Variants in GDF5 observed in about 807,000 individuals in gnomAD.
GDF5 encodes the protein growth differentiation factor 5, also known as growth/differentiation factor 5.
In GDF5, 17 loss-of-function variants were observed where a neutral mutation model predicts 34.6. The observed-to-expected ratio is 0.49, with a 90% confidence interval of 0.34 to 0.74. The LOEUF is 0.74. Among genes scored for constraint, GDF5 ranks in the 30% least tolerant of loss-of-function variants. GDF5 has a pLI of 0.01. For missense variants in GDF5, 616 were observed against 661.2 expected (o/e 0.93, Z 0.75); for synonymous variants, 332 against 290.7 (o/e 1.14, Z -1.44).
chr20:35,433,873 G>A lies in GDF5; in HGVS notation c.*36C>T, dbSNP rs768536902. The A allele has an allele frequency of 3.8e-6, 6 of 1,589,108 alleles. No homozygotes were observed. In the African/African-American group the frequency reaches 8.1e-5, roughly 21 times the overall value. On this transcript the variant is annotated 3_prime_UTR_variant, in exon 2 of 2. Transcript: ENST00000374369. ...CCAGGAGTGCAGGAAGGGGCTCTTGGGATGTGCCACCCAGGAAGACAGAGG... is the reference window on the plus strand; with the variant it reads ...CCAGGAGTGCAGGAAGGGGCTCTTGAGATGTGCCACCCAGGAAGACAGAGG...
At chr20:35,439,149 CCT>C (rs1351835712), upstream of GDF5, among the ~76,000 whole-genome samples, 1 of 151,874 alleles carries the variant, frequency 6.6e-6, no homozygotes, top group Non-Finnish European at 1.5e-5. Flanking sequence ...GCAGAGACGT[CCT>C]CTGAGTTTTC....
Position 35,435,138 on chromosome 20 carries a change from A to G in GDF5, c.632-355T>C, listed in dbSNP as rs377512004. On this transcript the variant is annotated intron_variant, in intron 1 of 1. Transcript: ENST00000374369. ...TAACGTGATGTCTCATTTGTGAGAT[A>G]GGTGGAGTGAGCATTAAAATTACTC... The G allele has an allele frequency of 1.2e-5, 7 of 573,188 alleles. No individual in the cohort carries two copies. The East Asian group carries it at 1.5e-4, about 12-fold the overall frequency. 35.5% of individuals were successfully genotyped at this position (573,188 alleles called of 1,614,324 possible).
chr20:35,439,876 G>A (rs369002086), upstream of GDF5, among the ~76,000 whole-genome samples: 7 of 151,556 alleles, frequency 4.6e-5, no homozygotes, highest in Middle Eastern at 3.5e-3. Flanking sequence ...GAAGGATGGC[G>A]GGGGAGAAGC....
upstream of GDF5, among the ~76,000 whole-genome samples, chr20:35,438,821 A>ATGAGTGTGTGTGTG (rs1177580555): frequency 2.2e-5 from 1 of 44,930 alleles, no homozygotes; most frequent in Non-Finnish European, 6.1e-5. Flanking sequence ...CTGATTTGTT[A>ATGAGTGTGTGTGTG]TGCGTGTGTG....
upstream of GDF5, among the ~76,000 whole-genome samples, chr20:35,442,149 C>A (rs867227753): frequency 4.0e-5 from 6 of 151,868 alleles, no homozygotes; most frequent in Non-Finnish European, 8.8e-5. Context: ...CCGAAAGTAA[C>A]TTTTTTTATT....
chr20:35,440,164 A>C (rs1046605432), upstream of GDF5, among the ~76,000 whole-genome samples: 11 of 150,658 alleles, frequency 7.3e-5, no homozygotes, highest in Admixed American at 4.0e-4. Flanking sequence ...TGATCCACCC[A>C]CCTTGGCCTC....
chr20:35,437,730 C>A lies in GDF5; in HGVS notation c.199G>T (p.Gly67Trp), dbSNP rs753597147. ...VFRPGGHSYG[G>W]GATNANARAK... Reference sequence around the variant, plus strand: ...CTGGCATTGGCATTGGTGGCCCCCCCACCATAGCTGTGACCCCCTGGCCTG... The same window carrying A: ...CTGGCATTGGCATTGGTGGCCCCCCAACCATAGCTGTGACCCCCTGGCCTG... Residue 67 changes from glycine (G) to tryptophan (W), a missense_variant, in exon 1 of 2, where the codon GGG (glycine) becomes TGG (tryptophan). Gly to Trp is a radical substitution (Grantham distance 184). Coordinates refer to ENST00000374369, the MANE Select transcript of GDF5 (RefSeq NM_000557.5). 1.2e-6 allele frequency: 2 copies of A among 1,613,508 alleles called. No homozygotes were observed. The highest frequency in any genetic ancestry group is 1.7e-6 in the Non-Finnish European group (2 of 1,179,790).
In GDF5 at chr20:35,438,203, G is replaced by A. The variant is rs143383; in HGVS notation, c.-275C>T. 0.56 allele frequency: 287,257 copies of A among 515,694 alleles called. 87,096 individuals are homozygous for A. The highest frequency in any genetic ancestry group is 0.74 in the East Asian group (21,558 of 29,032). 31.9% of individuals were successfully genotyped at this position (515,694 alleles called of 1,614,324 possible). A position where few individuals can be genotyped will look rare whatever the true frequency, so the allele number is the denominator to read the frequency against. On this transcript the variant is annotated 5_prime_UTR_variant, in exon 1 of 2. Transcript: ENST00000374369. ...AACTCGTTCTTGAAAGGAGAAAGCC[G>A]ACCGCCCCCTTTCTCCTGCACAACT...
At position 35,450,302 on chromosome 20, in the gene GDF5, T is replaced by TA. The variant is rs796096796; in HGVS notation, c.-398+4337dup. Among the ~76,000 whole-genome samples, 1,250 of 125,872 alleles carry TA rather than the reference T, an allele frequency of 9.9e-3. 8 individuals carry two copies. Among genetic ancestry groups the TA allele is most frequent in the African/African-American group, 0.016 (557 of 33,854 alleles). The allele number at this position is 125,872 out of a possible 152,430, so 82.6% of individuals were successfully genotyped here. ...GCCTGGGCTACAAAGTGAGACTCTG[T>TA]AAAAAAAAAAAAAAAGAATGGACTC... On this transcript the variant is annotated intron_variant, in intron 1 of 3. Coordinates refer to the GDF5 transcript ENST00000374372.
At chr20:35,449,492 T>TG (rs2062524109) in intron 1 of GDF5, among the ~76,000 whole-genome samples, 1 of 152,158 alleles carries the variant, frequency 6.6e-6, no homozygotes. Flanking sequence ...CCTGATGCTG[T>TG]GTAGCCAGCT....
intron 1 of GDF5, among the ~76,000 whole-genome samples, chr20:35,454,449 T>C (rs1341526128): frequency 3.3e-5 from 5 of 149,680 alleles, no homozygotes; most frequent in African/African-American, 1.2e-4. Flanking sequence ...CAAGACTCCA[T>C]TTCAAAAAAA....
chr20:35,447,363 A>T (rs1265998847), intron 1 of GDF5, among the ~76,000 whole-genome samples: 1 of 152,102 alleles, frequency 6.6e-6, no homozygotes, highest in Non-Finnish European at 1.5e-5. Flanking sequence ...ACTGCTCAGG[A>T]CGCGCTCTCA....
At chr20:35,451,066 T>TAA (rs2062530672) in intron 1 of GDF5, among the ~76,000 whole-genome samples, 2 of 19,348 alleles carry the variant, frequency 1.0e-4, no homozygotes, top group African/African-American at 8.9e-4. Context: ...AAAAAAAAAA[T>TAA]ATATATATAT....
At chr20:35,448,348 C>T (rs1160446747) in intron 1 of GDF5, among the ~76,000 whole-genome samples, 4 of 145,486 alleles carry the variant, frequency 2.7e-5, no homozygotes, top group South Asian at 2.2e-4. Context: ...GCAAGCTGGA[C>T]GCGGTGGTGC....
intron 1 of GDF5, among the ~76,000 whole-genome samples, chr20:35,451,053 A>ATATATATAT (rs2062530101): frequency 0.17 from 1,041 of 6,144 alleles, 30 homozygotes; most frequent in Middle Eastern, 0.5. Flanking sequence ...AAAAAAAAAA[A>ATATATATAT]AAAAAAAAAA....
At chr20:35,449,362 A>G (rs2062523703) in intron 1 of GDF5, among the ~76,000 whole-genome samples, 1 of 151,544 alleles carries the variant, frequency 6.6e-6, no homozygotes, top group Non-Finnish European at 1.5e-5. Context: ...TGCAGCCTCA[A>G]CCTCCTGGGC....
chr20:35,434,855 A>AGAGCTGGGGCCTTCCCCCGC, intron 1 of GDF5, 72 bp from the exon 2 acceptor site: 1 of 1,479,464 alleles, frequency 6.8e-7, no homozygotes, highest in Non-Finnish European at 9.5e-7. Context: ...GCTGCGGGGG[A>AGAGCTGGGGCCTTCCCCCGC]AGGCCCCAGC....
At chr20:35,438,853 G>GTGCC, upstream of GDF5, among the ~76,000 whole-genome samples, 1 of 24,184 alleles carries the variant, frequency 4.1e-5, no homozygotes, top group African/African-American at 7.8e-5. Flanking sequence ...GTGTGTGTGT[G>GTGCC]TGTGTGTTTA....
At chr20:35,452,068 A>G (rs1283976746) in intron 1 of GDF5, among the ~76,000 whole-genome samples, 1 of 152,172 alleles carries the variant, frequency 6.6e-6, no homozygotes, top group East Asian at 1.9e-4. Flanking sequence ...AGACCTGTGC[A>G]TGCAAGGGAT....
Sources: gnomAD v4.1 joint callset for allele counts (sites outside exome capture counted in the v4.1 genomes callset) on GRCh38, gnomAD v4.1.1 for gene constraint, MANE v1.5 for transcripts, NCBI Gene and HGNC (gene_info 2026-07-23, HGNC 2026-07-21) for gene names.